ZBTB20: variants seen among roughly 807,000 people sequenced by gnomAD.
ZBTB20 encodes the protein zinc finger and BTB domain-containing protein 20.
A neutral mutation model predicts 56.9 loss-of-function variants in ZBTB20; 9 were observed. That is an observed-to-expected ratio of 0.16 (90% confidence interval 0.10 to 0.28). The LOEUF is 0.28. Ranked by LOEUF, ZBTB20 falls within the 10% of genes least tolerant of loss-of-function variation. ZBTB20 has a pLI of 1.00. For missense variants in ZBTB20, 655 were observed against 1,003.0 expected, an observed-to-expected ratio of 0.65 and a Z score of 4.69; for synonymous variants, 417 against 420.7, an observed-to-expected ratio of 0.99 and a Z score of 0.11.
At chr3:114,776,261 GAA>G (rs374655709) in intron 5 of ZBTB20, among the ~76,000 whole-genome samples, 16 of 136,394 alleles carry the variant, frequency 1.2e-4, no homozygotes, top group African/African-American at 3.5e-4. Context: ...TAATTTAAAT[GAA>G]AAAAAAAAAA....
chr3:114,368,402 C>T (rs2082651759), intron 10 of ZBTB20, among the ~76,000 whole-genome samples: 1 of 152,116 alleles, frequency 6.6e-6, no homozygotes, highest in South Asian at 2.1e-4. Flanking sequence ...ATCATACCTG[C>T]CCCCACCCTG....
intron 4 of ZBTB20, among the ~76,000 whole-genome samples, chr3:114,820,112 T>C (rs2073154808): frequency 6.6e-6 from 1 of 151,896 alleles, no homozygotes; most frequent in Non-Finnish European, 1.5e-5. Context: ...AGAAATCAAC[T>C]TTCTAAGGAT....
intron 5 of ZBTB20, among the ~76,000 whole-genome samples, chr3:114,764,871 G>A (rs1301902638): frequency 2.0e-5 from 3 of 152,146 alleles, no homozygotes; most frequent in African/African-American, 7.2e-5. Flanking sequence ...GAAAAGAAAT[G>A]CCATAAGGTA....
chr3:114,850,319 G>T (rs950344112), intron 4 of ZBTB20, among the ~76,000 whole-genome samples: 1 of 152,112 alleles, frequency 6.6e-6, no homozygotes, highest in Non-Finnish European at 1.5e-5. Context: ...TTTCAGCCAC[G>T]ACCAAAATAT....
At chr3:114,964,339 C>T (rs893274938) in intron 3 of ZBTB20, among the ~76,000 whole-genome samples, 5 of 152,034 alleles carry the variant, frequency 3.3e-5, no homozygotes, top group African/African-American at 1.2e-4. Flanking sequence ...TGCTTGAATC[C>T]GGGAGGCAGA....
intron 2 of ZBTB20, among the ~76,000 whole-genome samples, chr3:115,057,539 T>C (rs1249123680): frequency 6.6e-6 from 1 of 152,164 alleles, no homozygotes; most frequent in African/African-American, 2.4e-5. Flanking sequence ...CCACAATACA[T>C]TGTTAATTAT....
At chr3:114,503,122 T>G (rs184124116) in intron 6 of ZBTB20, among the ~76,000 whole-genome samples, 90 of 152,294 alleles carry the variant, frequency 5.9e-4, no homozygotes, top group Admixed American at 2.0e-3. Context: ...CCAAATTGAC[T>G]AACACATCCA....
intron 4 of ZBTB20, among the ~76,000 whole-genome samples, chr3:114,821,213 ACGTCTGCAGT>A: frequency 6.6e-6 from 1 of 152,034 alleles, no homozygotes; most frequent in South Asian, 2.1e-4. Flanking sequence ...CCCCCTCCAA[ACGTCTGCAGT>A]CACCATCTGC....
intron 2 of ZBTB20, among the ~76,000 whole-genome samples, chr3:115,052,343 G>C (rs2081584147): frequency 6.6e-6 from 1 of 151,952 alleles, no homozygotes; most frequent in Non-Finnish European, 1.5e-5. Context: ...TGTAATCCCA[G>C]CTACTCGGGA....
At chr3:114,556,498 C>T (rs1349959260) in intron 6 of ZBTB20, among the ~76,000 whole-genome samples, 1 of 151,872 alleles carries the variant, frequency 6.6e-6, no homozygotes, top group Non-Finnish European at 1.5e-5. Flanking sequence ...TTGATCTTCC[C>T]GTGGAAATTG....
chr3:114,512,157 A>ATATGCTTACCTATGGGTG (rs11272962), intron 6 of ZBTB20, among the ~76,000 whole-genome samples: 68,042 of 151,878 alleles, frequency 0.45, 17,966 homozygotes, highest in African/African-American at 0.74. Flanking sequence ...AGACAATAAA[A>ATATGCTTACCTATGGGTG]TAGACAGGGA....
intron 10 of ZBTB20, among the ~76,000 whole-genome samples, chr3:114,371,474 C>T (rs369328780): frequency 6.6e-6 from 1 of 152,104 alleles, no homozygotes; most frequent in East Asian, 1.9e-4. Flanking sequence ...TCTTTAACCA[C>T]GCTGCATGGA....
At chr3:115,066,336 CTCTTTT>C (rs1376239559) in intron 2 of ZBTB20, among the ~76,000 whole-genome samples, 6 of 151,988 alleles carry the variant, frequency 3.9e-5, no homozygotes, top group African/African-American at 1.4e-4. Context: ...TCCTAAACTT[CTCTTTT>C]TCTTTAACAG....
intron 11 of ZBTB20, among the ~76,000 whole-genome samples, chr3:114,340,346 T>C (rs1056218438): frequency 6.6e-5 from 10 of 152,004 alleles, no homozygotes; most frequent in Non-Finnish European, 1.5e-4. Flanking sequence ...GGTATTCTTA[T>C]TACAAGGATA....
chr3:114,950,149 TTATCC>T (rs1360162989), intron 3 of ZBTB20, among the ~76,000 whole-genome samples: 2 of 152,084 alleles, frequency 1.3e-5, no homozygotes, highest in African/African-American at 4.8e-5. Flanking sequence ...TAGTCCCCCT[TTATCC>T]ATGGGGAATA....
intron 4 of ZBTB20, among the ~76,000 whole-genome samples, chr3:114,804,909 T>A (rs1229060295): frequency 2.0e-5 from 3 of 151,924 alleles, no homozygotes; most frequent in Non-Finnish European, 1.5e-5. Context: ...ATCCTGTCCA[T>A]GTTAAATGAT....
At chr3:114,420,478 G>A (rs553937319) in intron 7 of ZBTB20, among the ~76,000 whole-genome samples, 1 of 152,242 alleles carries the variant, frequency 6.6e-6, no homozygotes, top group Admixed American at 6.5e-5. Context: ...ATAAAAAGGT[G>A]TCTTGCCCGC....
intron 4 of ZBTB20, among the ~76,000 whole-genome samples, chr3:114,863,729 AG>A (rs1188879966): frequency 1.3e-5 from 2 of 152,108 alleles, no homozygotes; most frequent in African/African-American, 2.4e-5. Flanking sequence ...TGTTACTTGA[AG>A]GCAATATCAC....
intron 6 of ZBTB20, among the ~76,000 whole-genome samples, chr3:114,631,688 C>A (rs2058963006): frequency 6.6e-6 from 1 of 151,922 alleles, no homozygotes; most frequent in Admixed American, 6.6e-5. Flanking sequence ...ACGTGCCCAG[C>A]AAAATATAGG....
Sources: gnomAD v4.1 joint callset for allele counts (sites outside exome capture counted in the v4.1 genomes callset) on GRCh38, gnomAD v4.1.1 for gene constraint, MANE v1.5 for transcripts, NCBI Gene and HGNC (gene_info 2026-07-23, HGNC 2026-07-21) for gene names.